Variants in RHOH observed in about 807,000 individuals in gnomAD.
The protein encoded by RHOH is ras homolog family member H.
Under a neutral mutation model 13.8 loss-of-function variants are expected in RHOH, and 6 were observed. The observed-to-expected ratio is 0.44, with a 90% CI of 0.24 to 0.86. The LOEUF is 0.86. Ranked by LOEUF, RHOH falls within the 40% of genes least tolerant of loss-of-function variation. The pLI is 0.24. For missense variants in RHOH, 147 were observed against 244.5 expected, an observed-to-expected ratio of 0.60 and a Z score of 2.66; for synonymous variants, 117 against 103.0, an observed-to-expected ratio of 1.14 and a Z score of -0.82.
At chr4:40,199,099 C>T (rs1345296041) in intron 1 of RHOH, among the ~76,000 whole-genome samples, 2 of 150,106 alleles carry the variant, frequency 1.3e-5, no homozygotes, top group Non-Finnish European at 2.9e-5. Context: ...CTTCAATGCT[C>T]AGATTAAAAA....
Position 40,246,471 on chromosome 4 carries a change from C to T in RHOH, c.*2509C>T, listed in dbSNP as rs1001309305. 1.3e-5 allele frequency: 2 copies of T among 152,270 alleles called. No homozygotes were observed. Among genetic ancestry groups the T allele is most frequent in the Non-Finnish European group, 2.9e-5 (2 of 68,072 alleles). The allele number at this position is 152,270 out of a possible 1,614,324, so 9.4% of individuals were successfully genotyped here. A position where few individuals can be genotyped will look rare whatever the true frequency, so the allele number is the denominator to read the frequency against. ...TGTTGGCGGGAGCCAAGCTTAACAG[C>T]TCCGTCTGGGAACTCTCATACCTGA... is the stretch of plus-strand genomic sequence containing the variant. On this transcript the variant is annotated 3_prime_UTR_variant, in exon 3 of 3. Transcript: ENST00000381799.
intron 1 of RHOH, among the ~76,000 whole-genome samples, chr4:40,213,220 G>A (rs1725471068): frequency 6.6e-6 from 1 of 151,984 alleles, no homozygotes; most frequent in Non-Finnish European, 1.5e-5. Context: ...GAACAACGGT[G>A]CAAAAAAGAG....
chr4:40,214,425 T>G (rs1725647492), intron 1 of RHOH, among the ~76,000 whole-genome samples: 3 of 152,166 alleles, frequency 2.0e-5, no homozygotes, highest in Admixed American at 6.5e-5. Context: ...TTTTTTATTT[T>G]TTAGAGACAG....
chr4:40,223,219 T>A (rs183109425), intron 1 of RHOH, among the ~76,000 whole-genome samples: 45 of 152,338 alleles, frequency 3.0e-4, no homozygotes, highest in African/African-American at 1.1e-3. Context: ...GATAAAGCAG[T>A]GGCAGGGTTT....
intron 1 of RHOH, among the ~76,000 whole-genome samples, chr4:40,223,598 G>T (rs888173356): frequency 6.6e-6 from 1 of 150,648 alleles, no homozygotes; most frequent in Non-Finnish European, 1.5e-5. Context: ...CTGAGTAGCT[G>T]GGATTACAAG....
At chr4:40,213,027 TC>T (rs1310725688) in intron 1 of RHOH, among the ~76,000 whole-genome samples, 1 of 152,208 alleles carries the variant, frequency 6.6e-6, no homozygotes, top group Non-Finnish European at 1.5e-5. Context: ...ATCAGATTTT[TC>T]TAAACTATAG....
intron 1 of RHOH, among the ~76,000 whole-genome samples, chr4:40,241,108 T>G (rs1293361277): frequency 6.6e-6 from 1 of 152,212 alleles, no homozygotes; most frequent in African/African-American, 2.4e-5. Context: ...CCTCTTGGTC[T>G]AAGGATCTAA....
intron 1 of RHOH, among the ~76,000 whole-genome samples, chr4:40,203,216 C>T: frequency 6.6e-6 from 1 of 152,214 alleles, no homozygotes; most frequent in Non-Finnish European, 1.5e-5. Context: ...TCGTGATCCG[C>T]CCGCCTCGGC....
intron 1 of RHOH, among the ~76,000 whole-genome samples, chr4:40,237,726 G>A (rs1411499478): frequency 6.6e-6 from 1 of 152,170 alleles, no homozygotes; most frequent in Non-Finnish European, 1.5e-5. Context: ...TCCTTGAGGA[G>A]GATGACATTT....
At chr4:40,234,535 C>T (rs1414812005) in intron 1 of RHOH, among the ~76,000 whole-genome samples, 3 of 151,732 alleles carry the variant, frequency 2.0e-5, no homozygotes, top group Non-Finnish European at 2.9e-5. Flanking sequence ...ACCACGGTCC[C>T]GGTGTGATTG....
chr4:40,240,090 G>C (rs994588454), intron 1 of RHOH: 1 of 152,220 alleles, frequency 6.6e-6, no homozygotes, highest in Non-Finnish European at 1.5e-5. Flanking sequence ...TAAAGCCCAT[G>C]ACCTTAACAA....
intron 1 of RHOH, among the ~76,000 whole-genome samples, chr4:40,222,460 A>T (rs1011952199): frequency 2.6e-5 from 4 of 152,208 alleles, no homozygotes; most frequent in African/African-American, 9.7e-5. Context: ...GGGCCTTAAG[A>T]ATTATGCTAA....
At chr4:40,221,268 T>C (rs1726534836) in intron 1 of RHOH, among the ~76,000 whole-genome samples, 1 of 152,218 alleles carries the variant, frequency 6.6e-6, no homozygotes, top group Admixed American at 6.5e-5. Context: ...TTTATCTTTC[T>C]ACATAAATGG....
At chr4:40,216,622 A>G (rs1725930162) in intron 1 of RHOH, among the ~76,000 whole-genome samples, 1 of 152,226 alleles carries the variant, frequency 6.6e-6, no homozygotes, top group Non-Finnish European at 1.5e-5. Context: ...TGTGTGTACC[A>G]ATGGTGGGAA....
At chr4:40,201,746 G>C (rs745664144) in intron 1 of RHOH, among the ~76,000 whole-genome samples, 3 of 151,782 alleles carry the variant, frequency 2.0e-5, no homozygotes, top group Non-Finnish European at 2.9e-5. Flanking sequence ...ATGGCAATTT[G>C]ACGATATGTA....
upstream of RHOH, among the ~76,000 whole-genome samples, chr4:40,196,613 T>C (rs1723161735): frequency 6.6e-6 from 1 of 152,144 alleles, no homozygotes; most frequent in Admixed American, 6.6e-5. Flanking sequence ...ACCTCTTGTT[T>C]TCCCCAAGCT....
chr4:40,191,522 A>G (rs540243183), upstream of RHOH, among the ~76,000 whole-genome samples: 8 of 152,342 alleles, frequency 5.3e-5, no homozygotes, highest in South Asian at 1.7e-3. Context: ...ACTGCTTTGA[A>G]GGGAAACGGT....
At chr4:40,229,524 C>T (rs1402755890) in intron 1 of RHOH, among the ~76,000 whole-genome samples, 1 of 151,522 alleles carries the variant, frequency 6.6e-6, no homozygotes, top group African/African-American at 2.4e-5. Context: ...GTCTGAGCTA[C>T]TCGGGAGGCT....
chr4:40,203,240 G>C (rs1724239491), intron 1 of RHOH, among the ~76,000 whole-genome samples: 2 of 152,290 alleles, frequency 1.3e-5, no homozygotes, highest in East Asian at 3.9e-4. Context: ...CCAAAGTGCT[G>C]GGATTACAGG....
Sources: gnomAD v4.1 joint callset for allele counts (sites outside exome capture counted in the v4.1 genomes callset) on GRCh38, gnomAD v4.1.1 for gene constraint, MANE v1.5 for transcripts, NCBI Gene and HGNC (gene_info 2026-07-23, HGNC 2026-07-21) for gene names.